TYRP1: variants seen among roughly 807,000 people sequenced by gnomAD.
TYRP1 encodes 5,6-dihydroxyindole-2-carboxylic acid oxidase.
In TYRP1, 49 loss-of-function variants were observed where a neutral mutation model predicts 42.8. The observed-to-expected ratio is 1.14, with a 90% CI of 0.91 to 1.45. TYRP1 has a LOEUF of 1.45. TYRP1 is among the 40% of genes most tolerant of loss of function. The pLI, the probability that TYRP1 is intolerant of heterozygous loss-of-function variation, is 0.00. For synonymous variants in TYRP1, 279 were observed against 235.4 expected (o/e 1.19, Z -1.69); for missense variants, 848 against 662.0 (o/e 1.28, Z -3.08).
chr9:12,695,908 C>T (rs1818073264), intron 3 of TYRP1, 71 bp downstream of exon 3: 1 of 1,505,036 alleles, frequency 6.6e-7, no homozygotes, highest in African/African-American at 1.4e-5. Context: ...GATTTTAATT[C>T]ACTAGTTTTC....
intron 2 of TYRP1, 190 bp downstream of exon 2, chr9:12,694,571 C>G (rs1021696644): frequency 2.9e-6 from 2 of 679,524 alleles, no homozygotes; most frequent in Non-Finnish European, 4.9e-6. Context: ...AGTTGAAGCT[C>G]AGAACTTCTG....
At position 12,694,040 on chromosome 9, in the gene TYRP1, C is replaced by A. The variant is rs746816814; in HGVS notation, c.44C>A (p.Pro15His). 5 of 1,613,954 alleles carry A rather than the reference C, an allele frequency of 3.1e-6. No individual in the cohort carries two copies. The highest frequency in any genetic ancestry group is 2.2e-5 in the South Asian group (2 of 91,058). Residue 15 changes from proline to histidine, a missense_variant, in exon 2 of 8, where the codon CCC (proline) becomes CAC (histidine). Pro to His is a moderately conservative substitution (Grantham distance 77). Transcript: ENST00000388918. ...CTCTCTCTGGGCTGTATCTTCTTCCCCTTGCTACTTTTTCAGCAGGCCCGG... is the reference window on the plus strand; with the variant it reads ...CTCTCTCTGGGCTGTATCTTCTTCCACTTGCTACTTTTTCAGCAGGCCCGG... The part of the protein sequence containing the change: ...KLLSLGCIFF[P>H]LLLFQQARAQ...
intron 4 of TYRP1, among the ~76,000 whole-genome samples, chr9:12,701,452 A>AGAT (rs796212845): frequency 2.7e-4 from 41 of 151,978 alleles, no homozygotes; most frequent in African/African-American, 9.9e-4. Context: ...TTTTTGTTAC[A>AGAT]GATAGGGGGT....
At chr9:12,707,014 C>A (rs941850110) in intron 6 of TYRP1, among the ~76,000 whole-genome samples, 1 of 151,790 alleles carries the variant, frequency 6.6e-6, no homozygotes, top group African/African-American at 2.4e-5. Flanking sequence ...TTTCATTAGA[C>A]ATGAAATAGT....
At chr9:12,707,715 T>A (rs1375377794) in intron 6 of TYRP1, 1 of 323,238 alleles carries the variant, frequency 3.1e-6, no homozygotes, top group Non-Finnish European at 5.6e-6. Context: ...ATGTAATTTT[T>A]AAAAATTATT....
At chr9:12,706,617 A>AAATT (rs2118266722) in intron 6 of TYRP1, among the ~76,000 whole-genome samples, 1 of 152,126 alleles carries the variant, frequency 6.6e-6, no homozygotes, top group East Asian at 1.9e-4. Flanking sequence ...TGTGGCCATA[A>AAATT]AATTATAGGA....
At chr9:12,702,581 C>T (rs776978755) in intron 5 of TYRP1, 143 bp downstream of exon 5, 12 of 871,820 alleles carry the variant, frequency 1.4e-5, no homozygotes, top group East Asian at 2.7e-5. Flanking sequence ...TTATGATACA[C>T]CTGCTTGAAA....
intron 4 of TYRP1, chr9:12,700,452 G>A (rs796825104): frequency 2.6e-4 from 39 of 152,034 alleles, no homozygotes; most frequent in African/African-American, 9.4e-4. Flanking sequence ...TACCATCTTT[G>A]AATCAACATA....
In TYRP1 at chr9:12,710,061, T is replaced by C. The variant is rs1818334594; in HGVS notation, c.*879T>C. 6.6e-6 allele frequency: 1 copy of C among 151,796 alleles called. No homozygotes were observed. The allele number at this position is 151,796 out of a possible 1,614,324, so 9.4% of individuals were successfully genotyped here. ...TCTTATCATTTATCAGCCTTTTATG[T>C]ATTTTCCAAGTAAAATATTAACATA... On this transcript the variant is annotated 3_prime_UTR_variant, in exon 8 of 8. Transcript: ENST00000388918.
At chr9:12,698,341 C>A in intron 3 of TYRP1, 110 bp from the exon 4 acceptor site, 1 of 1,074,052 alleles carries the variant, frequency 9.3e-7, no homozygotes, top group Non-Finnish European at 1.4e-6. Context: ...TAACCAGTAC[C>A]TTATTGTCTG....
chr9:12,700,470 A>G (rs1388915364), intron 4 of TYRP1: 1 of 152,042 alleles, frequency 6.6e-6, no homozygotes, highest in Admixed American at 6.6e-5. Flanking sequence ...ATAGAAAAAC[A>G]CTGTTCTTTA....
rs1403661991 is a variant in TYRP1 at position 12,702,198 on chromosome 9, T to TAA, written c.914-71_914-70dup. The TAA allele has an allele frequency of 5.9e-6, 9 of 1,512,802 alleles. No homozygotes were observed. In the Admixed American group the frequency reaches 1.5e-4, roughly 26 times the overall value. The allele number at this position is 1,512,802 out of a possible 1,614,324, so 93.7% of individuals were successfully genotyped here. A position where few individuals can be genotyped will look rare whatever the true frequency, so the allele number is the denominator to read the frequency against. On this transcript the variant is annotated intron_variant, in intron 4 of 7. Transcript: ENST00000388918. ...CTATATTTCATATTCATGCTATGTA[T>TAA]AAAGTTTTAAAGAGCGACAATAAGA...
chr9:12,696,564 G>T (rs1818082497), intron 3 of TYRP1, among the ~76,000 whole-genome samples: 1 of 151,882 alleles, frequency 6.6e-6, no homozygotes, highest in African/African-American at 2.4e-5. Flanking sequence ...TATCAGTCAG[G>T]CAATATTTTT....
At chr9:12,706,364 C>T (rs1260776738) in intron 6 of TYRP1, among the ~76,000 whole-genome samples, 2 of 151,952 alleles carry the variant, frequency 1.3e-5, no homozygotes, top group East Asian at 1.9e-4. Flanking sequence ...ATTCCTTCAC[C>T]TTGTGTATCT....
At chr9:12,701,052 G>A (rs79662637) in intron 4 of TYRP1, among the ~76,000 whole-genome samples, 7,275 of 152,064 alleles carry the variant, frequency 0.048, 198 homozygotes, top group Non-Finnish European at 0.062. Flanking sequence ...TTAGTGGATT[G>A]TTTTGCTTGT....
rs745690767 is a variant in TYRP1, at chr9:12,702,356, C to T, written c.999C>T (p.Val333=). 1.1e-5 allele frequency: 18 copies of T among 1,612,926 alleles called. No homozygotes were observed. Among genetic ancestry groups the T allele is most frequent in the Admixed American group, 3.3e-5 (2 of 59,778 alleles). Residue 333 remains valine (V), a synonymous_variant, in exon 5 of 8, where the codon GTC becomes GTT. Coordinates refer to ENST00000388918, the MANE Select transcript of TYRP1 (RefSeq NM_000550.3). ...AACGTCTTCCTGAACCACAGGATGTCGCTCAGTGCTTGGAAGTTGGTTTAT... is the reference window on the plus strand; with the variant it reads ...AACGTCTTCCTGAACCACAGGATGTTGCTCAGTGCTTGGAAGTTGGTTTAT... ...MVQRLPEPQD[V]AQCLEVGLFD... is the part of the protein sequence containing the mutation.
At position 12,695,778 on chromosome 9, in the gene TYRP1, G is replaced by T; in HGVS notation, c.649G>T (p.Gly217Ter). 6.2e-7 allele frequency: 1 copy of T among 1,614,070 alleles called. No individual in the cohort carries two copies. Among genetic ancestry groups the T allele is most frequent in the Non-Finnish European group, 8.5e-7 (1 of 1,179,996 alleles). Residue 217 changes from glycine to a stop codon, truncating the protein, a stop_gained, in exon 3 of 8, where the codon GGA (glycine) becomes TGA (stop). Coordinates refer to ENST00000388918, the MANE Select transcript of TYRP1 (RefSeq NM_000550.3). LOFTEE classifies it high-confidence loss of function. ...TGGTGAAGTGGATTTCTCTCATGAG[G>T]GACCAGCTTTTCTCACATGGCACAG... is the stretch of plus-strand genomic sequence containing the variant. ...SFGEVDFSHE[G>*]PAFLTWHRYH...
At position 12,708,062 on chromosome 9, in the gene TYRP1, T is replaced by A. The variant is rs747388935; in HGVS notation, c.1327T>A (p.Phe443Ile). ...GHNRQYNMVP[F>I]WPPVTNTEMF... ...TAATAGACAATACAACATGGTGCCA[T>A]TCTGGCCCCCAGTCACCAACACAGA... Residue 443 changes from phenylalanine (F) to isoleucine (I), a missense_variant, in exon 7 of 8, where the codon TTC becomes ATC. By Grantham distance (21) the Phe-to-Ile change is conservative. Coordinates refer to ENST00000388918, the MANE Select transcript of TYRP1 (RefSeq NM_000550.3). 10 of 1,612,816 alleles carry A rather than the reference T, an allele frequency of 6.2e-6. No individual in the cohort carries two copies. The highest frequency in any genetic ancestry group is 8.5e-6 in the Non-Finnish European group (10 of 1,179,294).
At position 12,695,404 on chromosome 9, in the gene TYRP1, A is replaced by G. The variant is rs553454835; in HGVS notation, c.386-111A>G. 5.7e-5 allele frequency: 57 copies of G among 992,526 alleles called. No individual in the cohort carries two copies. In the South Asian group the frequency reaches 6.5e-4, roughly 11 times the overall value. The allele number at this position is 992,526 out of a possible 1,614,324, so 61.5% of individuals were successfully genotyped here. A position where few individuals can be genotyped will look rare whatever the true frequency, so the allele number is the denominator to read the frequency against. On this transcript the variant is annotated intron_variant, in intron 2 of 7. Coordinates refer to ENST00000388918, the MANE Select transcript of TYRP1 (RefSeq NM_000550.3). ...AAAAGTGTAAAATAATTTAAAACAC[A>G]TTTGAACAGATGGATAAATGGGTCG...
Sources: allele counts gnomAD v4.1 joint callset (sites outside exome capture counted in the v4.1 genomes callset), GRCh38; gene constraint gnomAD v4.1.1; transcripts MANE v1.5; gene names NCBI Gene and HGNC (gene_info 2026-07-23, HGNC 2026-07-21).